CRYBG3: variants seen among roughly 807,000 people sequenced by gnomAD.
CRYBG3 encodes the protein crystallin beta-gamma domain containing 3.
A neutral mutation model predicts 244.2 loss-of-function variants in CRYBG3; 127 were observed. The ratio of observed to expected loss-of-function variants is 0.52; its 90% CI spans 0.45 to 0.60. The LOEUF is 0.60. CRYBG3 is among the 20% of genes least tolerant of loss of function. The pLI, the probability that CRYBG3 is intolerant of heterozygous loss-of-function variation, is 0.00. For missense variants in CRYBG3, 3,325 were observed against 3,442.5 expected (o/e 0.97, Z 0.85); for synonymous variants, 1,132 against 1,195.8 (o/e 0.95, Z 1.10).
At chr3:97,862,722 C>G (rs1265019552) in intron 2 of CRYBG3, among the ~76,000 whole-genome samples, 1 of 152,060 alleles carries the variant, frequency 6.6e-6, no homozygotes, top group African/African-American at 2.4e-5. Context: ...GTGGAGACAA[C>G]TGGAATCAAA....
intron 7 of CRYBG3, among the ~76,000 whole-genome samples, chr3:97,885,006 C>T (rs1348425362): frequency 6.6e-6 from 1 of 152,026 alleles, no homozygotes; most frequent in African/African-American, 2.4e-5. Flanking sequence ...TACTATAACT[C>T]AGATCCCTGG....
intron 1 of CRYBG3, among the ~76,000 whole-genome samples, chr3:97,824,650 T>A (rs1020904875): frequency 2.0e-5 from 3 of 152,180 alleles, no homozygotes; most frequent in African/African-American, 4.8e-5. Flanking sequence ...TATTCTTTCT[T>A]TGTCACAATT....
intron 16 of CRYBG3, among the ~76,000 whole-genome samples, chr3:97,914,147 C>G (rs1311532299): frequency 3.9e-5 from 6 of 152,124 alleles, no homozygotes; most frequent in Non-Finnish European, 8.8e-5. Flanking sequence ...CCTTGAGCCT[C>G]CTTGTATTTG....
chr3:97,941,442 C>CAT, intron 20 of CRYBG3, 136 bp downstream of exon 20: 1 of 549,666 alleles, frequency 1.8e-6, no homozygotes, highest in Non-Finnish European at 3.1e-6. Context: ...AAAATACTGC[C>CAT]ATATATTACT....
Position 97,839,849 on chromosome 3 carries a change from T to C in CRYBG3, c.150-3346T>C, listed in dbSNP as rs1338262392. On this transcript the variant is annotated intron_variant, in intron 1 of 21. Transcript: ENST00000389622. ...ATCTGCCTGCCTTGGCCTCCCAAAG[T>C]ATTGGGATTACAGGCCACACCGCAC... 2.0e-5 allele frequency among the ~76,000 whole-genome samples: 3 copies of C among 151,860 alleles called. No homozygotes were observed. In the East Asian group the frequency reaches 5.8e-4, roughly 29 times the overall value.
At chr3:97,880,402 G>C (rs1369109527) in intron 6 of CRYBG3, among the ~76,000 whole-genome samples, 1 of 152,212 alleles carries the variant, frequency 6.6e-6, no homozygotes, top group Non-Finnish European at 1.5e-5. Context: ...TTGGGTGAAT[G>C]CTTCAGTTGA....
chr3:97,845,343 A>T (rs568734692), intron 2 of CRYBG3, among the ~76,000 whole-genome samples: 1 of 152,278 alleles, frequency 6.6e-6, no homozygotes, highest in Non-Finnish European at 1.5e-5. Context: ...ACAATTAGAG[A>T]TTATATTTTA....
chr3:97,943,026 T>G, intron 21 of CRYBG3, 200 bp from the exon 22 acceptor site: 1 of 545,726 alleles, frequency 1.8e-6, no homozygotes, highest in Non-Finnish European at 3.2e-6. Flanking sequence ...TTTTAGTATT[T>G]CAATTTGAGT....
intron 17 of CRYBG3, among the ~76,000 whole-genome samples, chr3:97,918,793 C>G (rs1056062026): frequency 6.6e-6 from 1 of 152,130 alleles, no homozygotes; most frequent in African/African-American, 2.4e-5. Context: ...ATGGGAGCAC[C>G]TCCAATTGGG....
chr3:97,936,391 G>C (rs978491708), intron 18 of CRYBG3, among the ~76,000 whole-genome samples: 1 of 152,036 alleles, frequency 6.6e-6, no homozygotes, highest in African/African-American at 2.4e-5. Context: ...GTTCACTGGA[G>C]CCACACTTAG....
chr3:97,838,633 G>A (rs1472116253), intron 1 of CRYBG3, among the ~76,000 whole-genome samples: 3 of 152,268 alleles, frequency 2.0e-5, no homozygotes, highest in Admixed American at 2.0e-4. Flanking sequence ...GCAACCCCCA[G>A]CACCAAGAAC....
intron 6 of CRYBG3, 119 bp downstream of exon 6, chr3:97,880,219 C>G: frequency 1.7e-6 from 1 of 571,608 alleles, no homozygotes; most frequent in Non-Finnish European, 3.1e-6. Context: ...TACTTTTCGA[C>G]AGAAGATTTT....
intron 1 of CRYBG3, among the ~76,000 whole-genome samples, chr3:97,832,509 T>C (rs1305654101): frequency 6.6e-6 from 1 of 152,174 alleles, no homozygotes; most frequent in Non-Finnish European, 1.5e-5. Flanking sequence ...GAAAACTGGC[T>C]AGCCACATGC....
chr3:97,838,788 T>C (rs2038771639), intron 1 of CRYBG3, among the ~76,000 whole-genome samples: 1 of 152,140 alleles, frequency 6.6e-6, no homozygotes, highest in East Asian at 1.9e-4. Context: ...AGTGACAGGT[T>C]AGGAGCTCTC....
At chr3:97,921,563 G>C (rs1167473692) in intron 17 of CRYBG3, among the ~76,000 whole-genome samples, 1 of 152,104 alleles carries the variant, frequency 6.6e-6, no homozygotes, top group African/African-American at 2.4e-5. Flanking sequence ...CTATAGGTTT[G>C]TGTCTTATCC....
At chr3:97,929,914 A>T (rs1018664374) in intron 17 of CRYBG3, among the ~76,000 whole-genome samples, 1 of 152,138 alleles carries the variant, frequency 6.6e-6, no homozygotes, top group Admixed American at 6.6e-5. Context: ...TTTTCTTGAG[A>T]TACATTTCTA....
intron 9 of CRYBG3, among the ~76,000 whole-genome samples, chr3:97,889,106 T>G (rs1244049397): frequency 6.6e-6 from 1 of 152,182 alleles, no homozygotes; most frequent in Non-Finnish European, 1.5e-5. Flanking sequence ...CTCATAGTAG[T>G]TGTAATCTGG....
intron 7 of CRYBG3, among the ~76,000 whole-genome samples, chr3:97,886,325 C>G (rs1159929258): frequency 3.3e-5 from 5 of 152,040 alleles, no homozygotes; most frequent in African/African-American, 1.2e-4. Context: ...TTTGGTAACT[C>G]TGAAATCTGA....
chr3:97,900,280 C>A (rs1344952878), intron 14 of CRYBG3, among the ~76,000 whole-genome samples, 173 bp from the exon 15 acceptor site: 1 of 151,986 alleles, frequency 6.6e-6, no homozygotes, highest in Non-Finnish European at 1.5e-5. Flanking sequence ...CCCTGAAGAT[C>A]AAGGGTGCAG....
Sources: allele counts gnomAD v4.1 joint callset (sites outside exome capture counted in the v4.1 genomes callset), GRCh38; gene constraint gnomAD v4.1.1; transcripts MANE v1.5; gene names NCBI Gene and HGNC (gene_info 2026-07-23, HGNC 2026-07-21).